Variants in WWOX observed in about 807,000 individuals in gnomAD.
The protein encoded by WWOX is WW domain-containing oxidoreductase.
A neutral mutation model predicts 46.2 loss-of-function variants in WWOX; 69 were observed. The ratio of observed to expected loss-of-function variants is 1.49; its 90% CI spans 1.23 to 1.82. WWOX has a LOEUF of 1.82. WWOX is among the 40% of genes most tolerant of loss of function. The probability of loss-of-function intolerance (pLI) is 0.00; values close to 1 mark genes in which losing one functional copy is unlikely to be tolerated. For synonymous variants in WWOX, 359 were observed against 202.6 expected (o/e 1.77, Z -6.56); for missense variants, 919 against 542.6 (o/e 1.69, Z -6.89).
chr16:79,069,656 A>G (rs534000083), intron 8 of WWOX, among the ~76,000 whole-genome samples: 5 of 152,138 alleles, frequency 3.3e-5, no homozygotes, highest in Non-Finnish European at 5.9e-5. Context: ...GAAAAAAAAT[A>G]AAGAAAACAT....
At chr16:78,932,230 A>T (rs540358720) in intron 8 of WWOX, among the ~76,000 whole-genome samples, 1 of 152,188 alleles carries the variant, frequency 6.6e-6, no homozygotes, top group Non-Finnish European at 1.5e-5. Context: ...CTCCTCATAA[A>T]GTATTGTATC....
intron 8 of WWOX, chr16:79,105,987 A>G (rs1444056119): frequency 3.9e-5 from 6 of 152,216 alleles, no homozygotes; most frequent in African/African-American, 1.4e-4. Context: ...ATATCTTTCT[A>G]TGACAGTAAA....
intron 8 of WWOX, among the ~76,000 whole-genome samples, chr16:78,486,818 C>A (rs56081426): frequency 0.061 from 9,225 of 152,266 alleles, 353 homozygotes; most frequent in Non-Finnish European, 0.089. Context: ...GTGATCCACT[C>A]GCCTCGGCCT....
At chr16:78,909,406 C>A (rs1184243916) in intron 8 of WWOX, among the ~76,000 whole-genome samples, 4 of 152,124 alleles carry the variant, frequency 2.6e-5, no homozygotes, top group African/African-American at 9.7e-5. Flanking sequence ...ACTTTATGGA[C>A]CATAAACCCC....
intron 8 of WWOX, among the ~76,000 whole-genome samples, chr16:78,879,676 G>A (rs923919367): frequency 1.3e-5 from 2 of 152,084 alleles, no homozygotes; most frequent in South Asian, 4.1e-4. Flanking sequence ...TCGGGAGTTC[G>A]AGACCAGTCT....
intron 8 of WWOX, among the ~76,000 whole-genome samples, chr16:79,172,014 G>A (rs1292123415): frequency 2.6e-5 from 4 of 152,180 alleles, no homozygotes; most frequent in Admixed American, 2.0e-4. Context: ...CTGACTCTCA[G>A]GAACACGGAG....
At chr16:78,627,412 C>G (rs1567447083) in intron 8 of WWOX, among the ~76,000 whole-genome samples, 1 of 152,142 alleles carries the variant, frequency 6.6e-6, no homozygotes, top group Non-Finnish European at 1.5e-5. Flanking sequence ...CCTCTCTATA[C>G]CATAGTTTAT....
At position 78,768,327 on chromosome 16, in the gene WWOX, T is replaced by C. The variant is rs182173459; in HGVS notation, c.1056+335575T>C. ...TTGCCTGGCTTGGTGCAGTGGCTCA[T>C]GCATGTACTCCCAGCACTTTGGGAG... On this transcript the variant is annotated intron_variant, in intron 8 of 8. Transcript: ENST00000566780. Among the ~76,000 whole-genome samples the C allele has an allele frequency of 4.0e-3, 582 of 144,094 alleles. 6 individuals carry two copies. Among genetic ancestry groups the C allele is most frequent in the Middle Eastern group, 0.022 (5 of 224 alleles). 94.5% of individuals were successfully genotyped at this position (144,094 alleles called of 152,430 possible).
chr16:78,927,740 G>C (rs888258205), intron 8 of WWOX, among the ~76,000 whole-genome samples: 1 of 152,132 alleles, frequency 6.6e-6, no homozygotes, highest in South Asian at 2.1e-4. Flanking sequence ...TTTTGTTTCT[G>C]ATTTTTAGTT....
intron 8 of WWOX, among the ~76,000 whole-genome samples, chr16:78,850,516 G>T (rs978026696): frequency 6.6e-6 from 1 of 152,118 alleles, no homozygotes; most frequent in Non-Finnish European, 1.5e-5. Flanking sequence ...TTTTTTTACT[G>T]CTAAGAATAA....
At chr16:78,730,252 C>T (rs1404948930) in intron 8 of WWOX, among the ~76,000 whole-genome samples, 2 of 152,046 alleles carry the variant, frequency 1.3e-5, no homozygotes, top group South Asian at 2.1e-4. Flanking sequence ...TTATGAACGA[C>T]GTTAGTACCT....
At chr16:78,180,469 A>T (rs142274841) in intron 5 of WWOX, among the ~76,000 whole-genome samples, 2 of 152,184 alleles carry the variant, frequency 1.3e-5, no homozygotes, top group African/African-American at 4.8e-5. Context: ...ACCCAGCTGC[A>T]CCCGAGATAT....
intron 8 of WWOX, among the ~76,000 whole-genome samples, chr16:78,981,174 G>A (rs2046674041): frequency 6.6e-6 from 1 of 152,162 alleles, no homozygotes; most frequent in Non-Finnish European, 1.5e-5. Context: ...CCTAAACTCT[G>A]CATGTGGTCT....
At position 78,432,540 on chromosome 16, in the gene WWOX, C is replaced by A; in HGVS notation, c.844C>A (p.Pro282Thr). The A allele has an allele frequency of 6.2e-7, 1 of 1,614,108 alleles. No homozygotes were observed. Among genetic ancestry groups the A allele is most frequent in the Non-Finnish European group, 8.5e-7 (1 of 1,180,030 alleles). Residue 282 changes from proline to threonine, a missense_variant, in exon 8 of 9, where the codon CCA (proline) becomes ACA (threonine). Pro to Thr is a conservative substitution (Grantham distance 38). Coordinates refer to ENST00000566780, the MANE Select transcript of WWOX (RefSeq NM_016373.4). ...LGKLDFSRLS[P>T]TKNDYWAMLA... ...AAAACTGGACTTCAGTCGCCTCTCT[C>A]CAACAAAAAACGACTATTGGGCGAT...
chr16:79,104,621 A>G (rs2049270678), intron 8 of WWOX, among the ~76,000 whole-genome samples: 2 of 152,318 alleles, frequency 1.3e-5, no homozygotes, highest in South Asian at 4.1e-4. Flanking sequence ...AGATGCACAT[A>G]TGTATGTCAC....
At chr16:78,601,475 G>C (rs2045621553) in intron 8 of WWOX, among the ~76,000 whole-genome samples, 1 of 151,732 alleles carries the variant, frequency 6.6e-6, no homozygotes, top group Non-Finnish European at 1.5e-5. Flanking sequence ...AACCAGAAAG[G>C]AGAATAGAAT....
intron 8 of WWOX, among the ~76,000 whole-genome samples, chr16:78,990,949 C>G (rs911564047): frequency 2.0e-5 from 3 of 152,236 alleles, no homozygotes; most frequent in Admixed American, 2.0e-4. Context: ...GAACCGACCT[C>G]CAGGGGAGCT....
intron 8 of WWOX, among the ~76,000 whole-genome samples, chr16:79,009,827 T>A (rs569240721): frequency 1.3e-5 from 2 of 152,218 alleles, no homozygotes; most frequent in East Asian, 3.9e-4. Context: ...CACACAAGAC[T>A]GTACCTATCA....
chr16:78,992,341 C>T (rs1023868168), intron 8 of WWOX, among the ~76,000 whole-genome samples: 1 of 152,056 alleles, frequency 6.6e-6, no homozygotes, highest in Non-Finnish European at 1.5e-5. Context: ...GTGGTGGGTG[C>T]CTGCAATCCC....
Sources: gnomAD v4.1 joint callset for allele counts (sites outside exome capture counted in the v4.1 genomes callset) on GRCh38, gnomAD v4.1.1 for gene constraint, MANE v1.5 for transcripts, NCBI Gene and HGNC (gene_info 2026-07-23, HGNC 2026-07-21) for gene names.